Variants in BMP2K observed in about 807,000 individuals in gnomAD.
BMP2K encodes the protein BMP-2-inducible protein kinase.
In BMP2K, 74 loss-of-function variants were observed where a neutral mutation model predicts 116.0. That is an observed-to-expected ratio of 0.64 (90% CI 0.53 to 0.77). BMP2K has a LOEUF of 0.77. BMP2K is among the 30% of genes least tolerant of loss of function. The pLI, the probability that BMP2K is intolerant of heterozygous loss-of-function variation, is 0.00. For synonymous variants in BMP2K, 486 were observed against 502.5 expected (o/e 0.97, Z 0.44); for missense variants, 1,365 against 1,403.6 (o/e 0.97, Z 0.44).
In BMP2K at chr4:78,872,786, A is replaced by G. The variant is rs779657733; in HGVS notation, c.1781A>G (p.Tyr594Cys). Residue 594 changes from tyrosine to cysteine, a missense_variant, in exon 13 of 16, where the codon TAT becomes TGT. Transcript: ENST00000502613. The stretch of plus-strand genomic sequence containing the variant: ...GTTGGAACCATAATGGACTCCTCCT[A>G]TAGTGCCAATAGGCAAGTATTTTTC... ...AQVGTIMDSS[Y>C]SANRSVADKE... The G allele has an allele frequency of 1.2e-6, 2 of 1,613,384 alleles. No individual in the cohort carries two copies. The highest frequency in any genetic ancestry group is 1.7e-6 in the Non-Finnish European group (2 of 1,179,680).
At chr4:78,881,990 C>G (rs142377155) in intron 14 of BMP2K, among the ~76,000 whole-genome samples, 3 of 151,986 alleles carry the variant, frequency 2.0e-5, no homozygotes, top group East Asian at 3.8e-4. Flanking sequence ...AAAACACTTT[C>G]CAGTGAGAAA....
intron 2 of BMP2K, among the ~76,000 whole-genome samples, chr4:78,832,561 G>T (rs1304743911): frequency 6.6e-6 from 1 of 152,262 alleles, no homozygotes; most frequent in South Asian, 2.1e-4. Context: ...AGGGTGAAAA[G>T]ATTTACCTCA....
intron 15 of BMP2K, among the ~76,000 whole-genome samples, chr4:78,902,268 A>G (rs1734048817): frequency 6.6e-6 from 1 of 152,178 alleles, no homozygotes; most frequent in African/African-American, 2.4e-5. Flanking sequence ...TGTAAATAGC[A>G]AAACAAAGCA....
rs78734336 is a variant in BMP2K at position 78,778,923 on chromosome 4, G to C, written c.178+2202G>C. ...CTAAGATAGACCAAAGCACAGACTTGGTAGATTTTGCATTTTTTGTTTTGG... is the reference window on the plus strand; with the variant it reads ...CTAAGATAGACCAAAGCACAGACTTCGTAGATTTTGCATTTTTTGTTTTGG... On this transcript the variant is annotated intron_variant, in intron 1 of 15. Coordinates refer to ENST00000502613, the MANE Select transcript of BMP2K (RefSeq NM_198892.2). Among the ~76,000 whole-genome samples, 1,366 of 152,214 alleles carry C rather than the reference G, an allele frequency of 9.0e-3. 27 individuals are homozygous for C. The highest frequency in any genetic ancestry group is 0.031 in the African/African-American group (1,280 of 41,514).
chr4:78,864,277 C>A (rs1731936973), intron 9 of BMP2K, among the ~76,000 whole-genome samples: 2 of 151,934 alleles, frequency 1.3e-5, no homozygotes, highest in South Asian at 4.2e-4. Flanking sequence ...AATATTTCCC[C>A]CAAATTACTT....
chr4:78,848,453 G>A (rs527434710), intron 6 of BMP2K, among the ~76,000 whole-genome samples: 11 of 151,504 alleles, frequency 7.3e-5, no homozygotes, highest in African/African-American at 2.4e-4. Context: ...TAGAAGAGGT[G>A]ATTATGGAGG....
intron 15 of BMP2K, among the ~76,000 whole-genome samples, chr4:78,901,490 G>C (rs1680198121): frequency 6.6e-6 from 1 of 152,136 alleles, no homozygotes; most frequent in African/African-American, 2.4e-5. Context: ...TGTAGAACCT[G>C]TTTGTGAGGA....
rs187005418 is a variant in BMP2K, at chr4:78,812,133, A to G, written c.179-13904A>G. On this transcript the variant is annotated intron_variant, in intron 1 of 15. Transcript: ENST00000502613. ...CAGGTGTGCACCACCACGCCTGGCT[A>G]ATTTTTGTATTTTTAGTAGAGACAG... is the stretch of plus-strand genomic sequence containing the variant. Among the ~76,000 whole-genome samples the G allele has an allele frequency of 2.2e-4, 33 of 152,096 alleles. No homozygotes were observed. The East Asian group carries it at 6.4e-3, about 29-fold the overall frequency.
At chr4:78,825,666 G>A (rs956352183) in intron 1 of BMP2K, among the ~76,000 whole-genome samples, 12 of 152,180 alleles carry the variant, frequency 7.9e-5, no homozygotes, top group African/African-American at 2.7e-4. Context: ...GTTGAATAAC[G>A]TCAGTGTTTT....
chr4:78,849,612 T>G (rs1296794821), intron 6 of BMP2K, among the ~76,000 whole-genome samples: 1 of 151,576 alleles, frequency 6.6e-6, no homozygotes, highest in Non-Finnish European at 1.5e-5. Flanking sequence ...TTTTAAGTGT[T>G]GTTAAGGGAG....
intron 4 of BMP2K, among the ~76,000 whole-genome samples, chr4:78,844,004 A>G: frequency 6.6e-6 from 1 of 151,920 alleles, no homozygotes; most frequent in South Asian, 2.1e-4. Flanking sequence ...AAAGTGAAAT[A>G]TAGAAGAAAA....
At chr4:78,793,098 A>C (rs1728082133) in intron 1 of BMP2K, among the ~76,000 whole-genome samples, 1 of 152,168 alleles carries the variant, frequency 6.6e-6, no homozygotes, top group Admixed American at 6.5e-5. Flanking sequence ...TCTTTTGAAA[A>C]ATATGGCTAT....
intron 1 of BMP2K, among the ~76,000 whole-genome samples, chr4:78,812,749 C>T (rs898976919): frequency 4.6e-5 from 7 of 152,112 alleles, no homozygotes; most frequent in African/African-American, 1.7e-4. Context: ...CTGGCTAAGA[C>T]TATTTGGCTG....
chr4:78,903,761 G>A (rs1468273199), intron 15 of BMP2K, among the ~76,000 whole-genome samples: 1 of 151,840 alleles, frequency 6.6e-6, no homozygotes, highest in Non-Finnish European at 1.5e-5. Context: ...CCTGTTCGTG[G>A]CTTTTATTTT....
intron 1 of BMP2K, among the ~76,000 whole-genome samples, chr4:78,823,965 C>T (rs1560516032): frequency 6.6e-6 from 1 of 152,124 alleles, no homozygotes; most frequent in African/African-American, 2.4e-5. Flanking sequence ...GTGGCCCTTT[C>T]TATTAGGTCT....
intron 1 of BMP2K, among the ~76,000 whole-genome samples, chr4:78,819,074 A>G (rs960799530): frequency 6.6e-6 from 1 of 152,172 alleles, no homozygotes; most frequent in Non-Finnish European, 1.5e-5. Context: ...TAGGCATACA[A>G]TATTATTTAT....
At chr4:78,777,097 T>G (rs190914551) in intron 1 of BMP2K, among the ~76,000 whole-genome samples, 1 of 152,226 alleles carries the variant, frequency 6.6e-6, no homozygotes, top group Admixed American at 6.5e-5. Flanking sequence ...ACGGGTGTCA[T>G]GCGTTGGCCT....
At chr4:78,858,714 A>G (rs1731620499) in intron 7 of BMP2K, among the ~76,000 whole-genome samples, 1 of 151,894 alleles carries the variant, frequency 6.6e-6, no homozygotes, top group South Asian at 2.1e-4. Context: ...AGCAAACTTA[A>G]GAATATCTAA....
chr4:78,911,333 T>C lies in BMP2K; in HGVS notation c.2786T>C (p.Val929Ala). 1 of 1,613,882 alleles carries C rather than the reference T, an allele frequency of 6.2e-7. No individual in the cohort carries two copies. Among genetic ancestry groups the C allele is most frequent in the East Asian group, 2.2e-5 (1 of 44,846 alleles). Residue 929 changes from valine to alanine, a missense_variant, in exon 16 of 16, where the codon GTA becomes GCA. By Grantham distance (64) the Val-to-Ala change is moderately conservative. Around this residue, in one of 3 missense-constraint regions of BMP2K, gnomAD observed 596 missense variants for 623.2 expected, o/e 0.96. Transcript: ENST00000502613. ...AHTIPGYPKSVDVFGSTPFQP... is the reference protein window; with the variant it reads ...AHTIPGYPKSADVFGSTPFQP... ...ACTATCCCTGGTTATCCCAAAAGTGTAGATGTATTTGGCTCCACTCCATTT... is the reference window on the plus strand; with the variant it reads ...ACTATCCCTGGTTATCCCAAAAGTGCAGATGTATTTGGCTCCACTCCATTT...
Sources: allele counts gnomAD v4.1 joint callset (sites outside exome capture counted in the v4.1 genomes callset), GRCh38; gene constraint gnomAD v4.1.1; regional missense constraint gnomAD v4.1.1; transcripts MANE v1.5; gene names NCBI Gene and HGNC (gene_info 2026-07-23, HGNC 2026-07-21).